The following RCVRN variants were observed in gnomAD, a reference collection of about 807,000 sequenced individuals.
RCVRN encodes the protein recoverin.
In RCVRN, 23 loss-of-function variants were observed where a neutral mutation model predicts 20.4. That is an observed-to-expected ratio of 1.13 (90% CI 0.81 to 1.60). RCVRN has a LOEUF of 1.60. Among genes scored for constraint, RCVRN ranks in the 40% most tolerant of loss-of-function variants. The probability of loss-of-function intolerance (pLI) is 0.00; values close to 1 mark genes in which losing one functional copy is unlikely to be tolerated. For missense variants in RCVRN, 254 were observed against 254.2 expected (o/e 1.00, Z 0.00); for synonymous variants, 105 against 105.9 (o/e 0.99, Z 0.05).
At chr17:9,898,252 A>G (rs757803895) in intron 2 of RCVRN, 48 bp from the exon 3 acceptor site, 1 of 1,184,430 alleles carries the variant, frequency 8.4e-7, no homozygotes, top group South Asian at 1.2e-5. Flanking sequence ...GTCAGGATTG[A>G]TAGCCAAGTG....
rs1293931813 is a variant in RCVRN at position 9,897,460 on chromosome 17, A to C, written c.*635T>G. The C allele has an allele frequency of 6.6e-6, 1 of 150,738 alleles. No homozygotes were observed. The highest frequency in any genetic ancestry group is 2.4e-5 in the African/African-American group (1 of 41,124). 9.3% of individuals were successfully genotyped at this position (150,738 alleles called of 1,614,324 possible). On this transcript the variant is annotated 3_prime_UTR_variant, in exon 3 of 3. Coordinates refer to ENST00000226193, the MANE Select transcript of RCVRN (RefSeq NM_002903.3). ...GGTCCCTGATCCCCCCTGACAAGTC[A>C]GCCCCTTCCACTGTGTCCTCCCCTG...
intron 1 of RCVRN, among the ~76,000 whole-genome samples, chr17:9,903,348 A>G (rs2067349316): frequency 6.6e-6 from 1 of 152,222 alleles, no homozygotes; most frequent in African/African-American, 2.4e-5. Context: ...GACAGTATGG[A>G]CAGGGGAGAA....
At chr17:9,901,135 GA>G in intron 1 of RCVRN, 35 bp from the exon 2 acceptor site, 2 of 1,223,118 alleles carry the variant, frequency 1.6e-6, no homozygotes, top group Non-Finnish European at 2.4e-6. Flanking sequence ...TCGTTAGGAG[GA>G]ACTTTAAGGG....
chr17:9,900,881 C>A lies in RCVRN; in HGVS notation c.493+108G>T, dbSNP rs2067338480. On this transcript the variant is annotated intron_variant, in intron 2 of 2. Transcript: ENST00000226193. The stretch of plus-strand genomic sequence containing the variant: ...GAAAATGCACAATGGAATGAGGTGT[C>A]CCCCATCCTGCCTGGACACTGTGAC... The A allele has an allele frequency of 1.3e-5, 9 of 683,348 alleles. No individual in the cohort carries two copies. The South Asian group carries it at 1.7e-4, about 13-fold the overall frequency. The allele number at this position is 683,348 out of a possible 1,614,324, so 42.3% of individuals were successfully genotyped here. A position where few individuals can be genotyped will look rare whatever the true frequency, so the allele number is the denominator to read the frequency against.
chr17:9,904,762 C>T lies in RCVRN; in HGVS notation c.381+38G>A, dbSNP rs758976518. 2.5e-6 allele frequency: 4 copies of T among 1,588,138 alleles called. No individual in the cohort carries two copies. The highest frequency in any genetic ancestry group is 1.7e-6 in the Non-Finnish European group (2 of 1,165,048). On this transcript the variant is annotated intron_variant, in intron 1 of 2. Transcript: ENST00000226193. The surrounding 1 kb of genome is among the most constrained non-coding windows in gnomAD (Gnocchi z 5.8). ...GGGGACCCCCAGCCCGGAGCGACCC[C>T]GGCACCGCCCAGCCAGAAGGGGAGA... is the stretch of plus-strand genomic sequence containing the variant.
At chr17:9,902,569 A>T (rs28587598) in intron 1 of RCVRN, among the ~76,000 whole-genome samples, 6,421 of 139,726 alleles carry the variant, frequency 0.046, 456 homozygotes, top group African/African-American at 0.16. Flanking sequence ...AGAATAAATT[A>T]AAAAAAAATC....
chr17:9,901,147 G>A (rs1567747485), intron 1 of RCVRN, 47 bp from the exon 2 acceptor site: 4 of 1,083,424 alleles, frequency 3.7e-6, no homozygotes, highest in Non-Finnish European at 5.5e-6. Flanking sequence ...ACTTTAAGGG[G>A]CTGGCAACCC....
chr17:9,902,359 T>A (rs12452691), intron 1 of RCVRN, among the ~76,000 whole-genome samples: 1 of 152,096 alleles, frequency 6.6e-6, no homozygotes, highest in African/African-American at 2.4e-5. Context: ...GATAAGCCCA[T>A]GGACCACAAG....
At position 9,901,127 on chromosome 17, in the gene RCVRN, G is replaced by T. The variant is rs200423106; in HGVS notation, c.382-27C>A. ...TGTACCAAACAGAAAGAAAGAACTC[G>T]TTAGGAGGAACTTTAAGGGGCTGGC... On this transcript the variant is annotated intron_variant, in intron 1 of 2. Transcript: ENST00000226193. 2.0e-5 allele frequency: 28 copies of T among 1,368,268 alleles called. No individual in the cohort carries two copies. The East Asian group carries it at 6.6e-4, about 32-fold the overall frequency. 84.8% of individuals were successfully genotyped at this position (1,368,268 alleles called of 1,614,324 possible).
Position 9,904,016 on chromosome 17 carries a change from G to A in RCVRN, c.381+784C>T, listed in dbSNP as rs184647980. ...AGCACTTTGGGAGGCTGAGGCTGGC[G>A]GATCGCTGGAGGTCGGGAGTTTGAG... On this transcript the variant is annotated intron_variant, in intron 1 of 2. Coordinates refer to ENST00000226193, the MANE Select transcript of RCVRN (RefSeq NM_002903.3). This position sits in a 1 kb window ranked among gnomAD's most constrained non-coding sequence, Gnocchi z 5.8. Among the ~76,000 whole-genome samples the A allele has an allele frequency of 4.6e-5, 7 of 152,290 alleles. No homozygotes were observed. The highest frequency in any genetic ancestry group is 3.3e-4 in the Admixed American group (5 of 15,294).
chr17:9,901,026 G>A lies in RCVRN; in HGVS notation c.456C>T (p.Ala152=), dbSNP rs781018483. 21 of 1,608,784 alleles carry A rather than the reference G, an allele frequency of 1.3e-5. No homozygotes were observed. The highest frequency in any genetic ancestry group is 4.4e-5 in the South Asian group (4 of 90,632). The change falls in exon 2 of 3, where the codon GCC becomes GCT. Residue 152 remains alanine, a synonymous_variant. Transcript: ENST00000226193. ...TTCCAAAGTACTTCCAGATCTTCTC[G>A]GCTCGCTTTTCCGGCGTGTTTTCAT... ...PDDENTPEKR[A]EKIWKYFGKN...
rs546821297 is a variant in RCVRN, at chr17:9,904,375, T to G, written c.381+425A>C. ...TGAGTAGTGAGTGAATGTGAAGAAC[T>G]AGGACATTACCGTACACAACTACAG... On this transcript the variant is annotated intron_variant, in intron 1 of 2. Transcript: ENST00000226193. The surrounding 1 kb of genome is among the most constrained non-coding windows in gnomAD (Gnocchi z 5.8). Among the ~76,000 whole-genome samples the G allele has an allele frequency of 6.6e-6, 1 of 152,302 alleles. No individual in the cohort carries two copies. The highest frequency in any genetic ancestry group is 2.1e-4 in the South Asian group (1 of 4,822).
In RCVRN at chr17:9,905,248, G is replaced by T; in HGVS notation, c.-68C>A. On this transcript the variant is annotated 5_prime_UTR_variant, in exon 1 of 3. Coordinates refer to ENST00000226193, the MANE Select transcript of RCVRN (RefSeq NM_002903.3). ...GTGGGACGTGCGTGGTCCCCTGGCCGCAGGCTGGGCTCAAGGCTGGTGTGA... is the reference window on the plus strand; with the variant it reads ...GTGGGACGTGCGTGGTCCCCTGGCCTCAGGCTGGGCTCAAGGCTGGTGTGA... 1 of 1,480,892 alleles carries T rather than the reference G, an allele frequency of 6.8e-7. No individual in the cohort carries two copies. Among genetic ancestry groups the T allele is most frequent in the Non-Finnish European group, 9.0e-7 (1 of 1,110,070 alleles). The allele number at this position is 1,480,892 out of a possible 1,614,324, so 91.7% of individuals were successfully genotyped here.
Position 9,904,758 on chromosome 17 carries a change from AC to A in RCVRN, c.381+41del. On this transcript the variant is annotated intron_variant, in intron 1 of 2. Transcript: ENST00000226193. This position sits in a 1 kb window ranked among gnomAD's most constrained non-coding sequence, Gnocchi z 5.8. ...AGCAGGGGACCCCCAGCCCGGAGCG[AC>A]CCCGGCACCGCCCAGCCAGAAGGGG... is the stretch of plus-strand genomic sequence containing the variant. The A allele has an allele frequency of 1.3e-6, 2 of 1,583,108 alleles. No individual in the cohort carries two copies. The highest frequency in any genetic ancestry group is 1.7e-6 in the Non-Finnish European group (2 of 1,162,354).
chr17:9,898,688 G>C (rs1336275968), intron 2 of RCVRN, among the ~76,000 whole-genome samples: 3 of 152,182 alleles, frequency 2.0e-5, no homozygotes, highest in African/African-American at 7.2e-5. Flanking sequence ...CATCCCTCCA[G>C]AAATAGGAGT....
Position 9,899,267 on chromosome 17 carries a change from G to A in RCVRN, c.494-1063C>T, listed in dbSNP as rs17682132. 0.16 allele frequency among the ~76,000 whole-genome samples: 24,824 copies of A among 152,150 alleles called. 2,630 individuals are homozygous for A. Among genetic ancestry groups the A allele is most frequent in the Non-Finnish European group, 0.24 (16,500 of 67,984 alleles). On this transcript the variant is annotated intron_variant, in intron 2 of 2. Transcript: ENST00000226193. This position sits in a 1 kb window ranked among gnomAD's most constrained non-coding sequence, Gnocchi z 4.6. ...TTAATCCCTTCTGGGTTAGGATCCA[G>A]GATGGCTTCCTCCGCAAGTCTGGGT...
At position 9,905,105 on chromosome 17, in the gene RCVRN, C is replaced by T. The variant is rs978486967; in HGVS notation, c.76G>A (p.Glu26Lys). 24 of 1,609,666 alleles carry T rather than the reference C, an allele frequency of 1.5e-5. No individual in the cohort carries two copies. Among genetic ancestry groups the T allele is most frequent in the Non-Finnish European group, 1.7e-5 (20 of 1,178,072 alleles). Residue 26 changes from glutamate to lysine, a missense_variant, in exon 1 of 3, where the codon GAG (glutamate) becomes AAG (lysine). Transcript: ENST00000226193. ...ELQLNTKFSE[E>K]ELCSWYQSFL... is the part of the protein sequence containing the mutation. ...GACTGGTACCAGGAGCACAGCTCCT[C>T]CTCCGAGAACTTGGTGTTCAGCTGC...
intron 2 of RCVRN, among the ~76,000 whole-genome samples, chr17:9,900,296 G>C (rs575352936): frequency 4.6e-5 from 7 of 152,118 alleles, no homozygotes; most frequent in Admixed American, 4.6e-4. Context: ...CCCAGCAGCC[G>C]AGTGCTGGAG....
At chr17:9,900,798 G>A (rs2067338039) in intron 2 of RCVRN, among the ~76,000 whole-genome samples, 191 bp downstream of exon 2, 1 of 152,104 alleles carries the variant, frequency 6.6e-6, no homozygotes. Flanking sequence ...ACAGAAAACA[G>A]TTTTGGCTCC....
Sources: allele counts gnomAD v4.1 joint callset (sites outside exome capture counted in the v4.1 genomes callset), GRCh38; gene constraint gnomAD v4.1.1; non-coding constraint Gnocchi (gnomAD v3.1); transcripts MANE v1.5; gene names NCBI Gene and HGNC (gene_info 2026-07-23, HGNC 2026-07-21).